Variants in NCAM2 observed in about 807,000 individuals in gnomAD.
NCAM2 encodes neural cell adhesion molecule 2, also known as N-CAM-2.
In NCAM2, 30 loss-of-function variants were observed where a neutral mutation model predicts 98.1. The ratio of observed to expected loss-of-function variants is 0.31; its 90% CI spans 0.23 to 0.41. The LOEUF (loss-of-function observed/expected upper bound fraction) is 0.41, where lower values mean the gene tolerates loss of function less well. Ranked by LOEUF, NCAM2 falls within the 10% of genes least tolerant of loss-of-function variation. The probability of loss-of-function intolerance (pLI) is 1.00; values close to 1 mark genes in which losing one functional copy is unlikely to be tolerated. For missense variants in NCAM2, 867 were observed against 1,005.8 expected (o/e 0.86, Z 1.87); for synonymous variants, 368 against 342.4 (o/e 1.07, Z -0.83).
At chr21:21,101,130 A>G (rs944909474) in intron 1 of NCAM2, among the ~76,000 whole-genome samples, 8 of 152,034 alleles carry the variant, frequency 5.3e-5, no homozygotes, top group African/African-American at 1.9e-4. Flanking sequence ...TTTACTCCTT[A>G]TGCAGTGTTT....
intron 16 of NCAM2, among the ~76,000 whole-genome samples, chr21:21,520,729 G>T (rs184448950): frequency 6.6e-6 from 1 of 152,236 alleles, no homozygotes; most frequent in Non-Finnish European, 1.5e-5. Context: ...AGGCAGAGAG[G>T]CAGATGCAGA....
intron 16 of NCAM2, among the ~76,000 whole-genome samples, chr21:21,529,906 A>C (rs2146412720): frequency 6.6e-6 from 1 of 151,206 alleles, no homozygotes; most frequent in East Asian, 1.9e-4. Flanking sequence ...TGACAGGGGC[A>C]GAATGCATTT....
intron 1 of NCAM2, among the ~76,000 whole-genome samples, chr21:21,143,503 T>C (rs2067210124): frequency 6.6e-6 from 1 of 152,134 alleles, no homozygotes; most frequent in Admixed American, 6.5e-5. Context: ...AGGTTTTCCC[T>C]CTCCCACTTG....
Position 21,306,534 on chromosome 21 carries a change from T to C in NCAM2, c.619+14293T>C, listed in dbSNP as rs117853596. Reference sequence around the variant, plus strand: ...GGATTACATGGTGTATCTTTTTTCCTTTCTTTTAATTTTAACATATTTTAA... The same window carrying C: ...GGATTACATGGTGTATCTTTTTTCCCTTCTTTTAATTTTAACATATTTTAA... On this transcript the variant is annotated intron_variant, in intron 5 of 17. Transcript: ENST00000400546. Among the ~76,000 whole-genome samples the C allele has an allele frequency of 2.9e-3, 443 of 152,254 alleles. 17 individuals are homozygous for C. In the East Asian group the frequency reaches 0.049, roughly 17 times the overall value.
chr21:20,998,479 AGAG>A lies in NCAM2; in HGVS notation c.-83_-81del, dbSNP rs2063958385. Reference sequence around the variant, plus strand: ...CGGGAGCGGCGGCGGCGGCTCTAGCAGAGGCGGCCGGGGCAGCGAAAGGTTCTC... The same window carrying A: ...CGGGAGCGGCGGCGGCGGCTCTAGCAGCGGCCGGGGCAGCGAAAGGTTCTC... On this transcript the variant is annotated 5_prime_UTR_variant, in exon 1 of 18. Coordinates refer to ENST00000400546, the MANE Select transcript of NCAM2 (RefSeq NM_004540.5). The A allele has an allele frequency of 2.8e-6, 4 of 1,409,084 alleles. No individual in the cohort carries two copies. The highest frequency in any genetic ancestry group is 3.9e-6 in the Non-Finnish European group (4 of 1,022,616). 87.3% of individuals were successfully genotyped at this position (1,409,084 alleles called of 1,614,324 possible).
At chr21:21,412,876 G>T (rs1334151135) in intron 10 of NCAM2, among the ~76,000 whole-genome samples, 1 of 152,080 alleles carries the variant, frequency 6.6e-6, no homozygotes, top group Non-Finnish European at 1.5e-5. Context: ...ACAGTTGCTT[G>T]AGACAGTTAC....
rs185391272 is a variant in NCAM2, at chr21:21,314,536, T to A, written c.620-9847T>A. On this transcript the variant is annotated intron_variant, in intron 5 of 17. Coordinates refer to ENST00000400546, the MANE Select transcript of NCAM2 (RefSeq NM_004540.5). ...TTCAGATGTCAGATGCATTGATACA[T>A]ACACATATGTACACGTATATACCTA... Among the ~76,000 whole-genome samples the A allele has an allele frequency of 8.3e-3, 1,271 of 152,266 alleles. 18 individuals are homozygous for A. The highest frequency in any genetic ancestry group is 0.029 in the African/African-American group (1,214 of 41,580).
chr21:21,491,154 A>G (rs534265904), intron 15 of NCAM2, among the ~76,000 whole-genome samples: 1 of 151,980 alleles, frequency 6.6e-6, no homozygotes, highest in East Asian at 1.9e-4. Context: ...CAGCAGATTC[A>G]TAACAATTGT....
At chr21:21,464,912 C>T (rs1983478516) in intron 12 of NCAM2, among the ~76,000 whole-genome samples, 2 of 152,094 alleles carry the variant, frequency 1.3e-5, no homozygotes, top group African/African-American at 4.8e-5. Flanking sequence ...ATCCTTGCAG[C>T]TTCTAATCAG....
chr21:21,430,934 T>A (rs958852484), intron 11 of NCAM2, among the ~76,000 whole-genome samples: 3 of 150,524 alleles, frequency 2.0e-5, no homozygotes, highest in Non-Finnish European at 4.4e-5. Flanking sequence ...TAGTCCCAGC[T>A]ACTCTGGAGG....
intron 8 of NCAM2, among the ~76,000 whole-genome samples, chr21:21,353,081 G>C (rs982784641): frequency 6.6e-6 from 1 of 151,980 alleles, no homozygotes; most frequent in African/African-American, 2.4e-5. Context: ...AGGCTGGAAA[G>C]TGTTATTTTC....
intron 1 of NCAM2, among the ~76,000 whole-genome samples, chr21:21,070,098 G>A (rs1173259230): frequency 6.6e-6 from 1 of 151,914 alleles, no homozygotes; most frequent in Non-Finnish European, 1.5e-5. Flanking sequence ...TCATTGCCTG[G>A]TTCGTGAAAA....
intron 6 of NCAM2, among the ~76,000 whole-genome samples, chr21:21,331,290 C>T (rs1245908942): frequency 6.6e-6 from 1 of 151,254 alleles, no homozygotes; most frequent in African/African-American, 2.4e-5. Context: ...ACATGCGCCA[C>T]AATGCCCAAT....
chr21:21,190,072 A>G (rs1466996925), intron 1 of NCAM2, among the ~76,000 whole-genome samples: 4 of 152,226 alleles, frequency 2.6e-5, no homozygotes, highest in Admixed American at 6.5e-5. Flanking sequence ...ATGTGTTTAC[A>G]TTGACCAAAT....
At position 21,522,144 on chromosome 21, in the gene NCAM2, T is replaced by C. The variant is rs9975706; in HGVS notation, c.2283-12393T>C. ...ATATTTATATATAAATATGAATATA[T>C]ATGAATGAATACTATATATATGAAT... On this transcript the variant is annotated intron_variant, in intron 16 of 17. Coordinates refer to ENST00000400546, the MANE Select transcript of NCAM2 (RefSeq NM_004540.5). 3.2e-3 allele frequency among the ~76,000 whole-genome samples: 480 copies of C among 147,912 alleles called. 5 individuals are homozygous for C. The highest frequency in any genetic ancestry group is 0.011 in the African/African-American group (469 of 40,794).
intron 12 of NCAM2, among the ~76,000 whole-genome samples, chr21:21,463,500 A>T (rs1241789219): frequency 6.6e-6 from 1 of 152,174 alleles, no homozygotes; most frequent in African/African-American, 2.4e-5. Flanking sequence ...AAGGTTATCT[A>T]TAAAACCTCT....
chr21:21,010,358 C>G (rs1040781896), intron 1 of NCAM2, among the ~76,000 whole-genome samples: 9 of 151,980 alleles, frequency 5.9e-5, no homozygotes, highest in Non-Finnish European at 1.3e-4. Flanking sequence ...ACCACCACAT[C>G]CAAAATGGAT....
intron 1 of NCAM2, among the ~76,000 whole-genome samples, chr21:21,264,424 G>C (rs900394531): frequency 6.6e-6 from 1 of 151,946 alleles, no homozygotes; most frequent in African/African-American, 2.4e-5. Flanking sequence ...AACCCCAATA[G>C]AAAACAGTCT....
chr21:21,442,208 G>T (rs1441232502), intron 12 of NCAM2, among the ~76,000 whole-genome samples: 1 of 151,804 alleles, frequency 6.6e-6, no homozygotes, highest in Non-Finnish European at 1.5e-5. Context: ...GTGCAATAAG[G>T]CGGAACAGTT....
Sources: gnomAD v4.1 joint callset for allele counts (sites outside exome capture counted in the v4.1 genomes callset) on GRCh38, gnomAD v4.1.1 for gene constraint, MANE v1.5 for transcripts, NCBI Gene and HGNC (gene_info 2026-07-23, HGNC 2026-07-21) for gene names.